The following MGAT4C variants were observed in gnomAD, a reference collection of about 807,000 sequenced individuals.
The protein encoded by MGAT4C is alpha-1,3-mannosyl-glycoprotein 4-beta-N-acetylglucosaminyltransferase C.
MGAT4C carries 19 observed loss-of-function variants against 40.1 expected under a neutral mutation model. The observed-to-expected ratio is 0.47, with a 90% CI of 0.33 to 0.70. The LOEUF (loss-of-function observed/expected upper bound fraction) is 0.70, where lower values mean the gene tolerates loss of function less well. MGAT4C is among the 30% of genes least tolerant of loss of function. MGAT4C has a pLI of 0.02. For missense variants in MGAT4C, 491 were observed against 563.2 expected (o/e 0.87, Z 1.30); for synonymous variants, 181 against 187.1 (o/e 0.97, Z 0.27).
chr12:86,093,952 A>C (rs1215586855), intron 1 of MGAT4C, among the ~76,000 whole-genome samples: 1 of 152,150 alleles, frequency 6.6e-6, no homozygotes, highest in Non-Finnish European at 1.5e-5. Flanking sequence ...TATTCTTGTA[A>C]TTATTAGTTT....
chr12:86,708,481 T>G (rs1256710684), intron 2 of MGAT4C, among the ~76,000 whole-genome samples: 1 of 152,206 alleles, frequency 6.6e-6, no homozygotes, highest in Non-Finnish European at 1.5e-5. Flanking sequence ...AGAATCCCTC[T>G]GGGGCACTGC....
chr12:86,626,785 C>A (rs1308739932), intron 2 of MGAT4C, among the ~76,000 whole-genome samples: 1 of 152,200 alleles, frequency 6.6e-6, no homozygotes, highest in Non-Finnish European at 1.5e-5. Context: ...CTCTAGTCTG[C>A]AGCTCCCAGT....
chr12:86,308,887 G>T (rs1010887108), intron 4 of MGAT4C, among the ~76,000 whole-genome samples: 1 of 150,460 alleles, frequency 6.6e-6, no homozygotes, highest in African/African-American at 2.5e-5. Flanking sequence ...AGAAGATTTT[G>T]GGAGAAGGGA....
chr12:86,698,270 A>G (rs1419401584), intron 2 of MGAT4C, among the ~76,000 whole-genome samples: 1 of 152,106 alleles, frequency 6.6e-6, no homozygotes, highest in Non-Finnish European at 1.5e-5. Flanking sequence ...AATCCTAAAT[A>G]AATGACCAAT....
intron 1 of MGAT4C, among the ~76,000 whole-genome samples, chr12:86,150,230 C>A (rs1884106081): frequency 6.6e-6 from 1 of 152,192 alleles, no homozygotes; most frequent in South Asian, 2.1e-4. Context: ...CAGTAAAGCT[C>A]ATTCACCCTC....
intron 3 of MGAT4C, among the ~76,000 whole-genome samples, chr12:86,384,906 T>G (rs1346137225): frequency 6.6e-6 from 1 of 152,210 alleles, no homozygotes; most frequent in Non-Finnish European, 1.5e-5. Context: ...CTGTTAACCA[T>G]TTTACTTAGG....
chr12:86,723,250 C>A (rs563440548), intron 2 of MGAT4C, among the ~76,000 whole-genome samples: 1 of 152,206 alleles, frequency 6.6e-6, no homozygotes, highest in South Asian at 2.1e-4. Flanking sequence ...ATTCCCTAAG[C>A]CACTGTGGAT....
At chr12:86,591,465 G>T (rs1357075563) in intron 2 of MGAT4C, among the ~76,000 whole-genome samples, 1 of 151,810 alleles carries the variant, frequency 6.6e-6, no homozygotes, top group Non-Finnish European at 1.5e-5. Context: ...CCTAGTATTT[G>T]AATGATTACA....
At chr12:86,624,784 T>A (rs1287358040) in intron 2 of MGAT4C, among the ~76,000 whole-genome samples, 1 of 152,036 alleles carries the variant, frequency 6.6e-6, no homozygotes, top group African/African-American at 2.4e-5. Flanking sequence ...ATGGTCTATG[T>A]ATGGGGAAAA....
intron 2 of MGAT4C, among the ~76,000 whole-genome samples, chr12:86,667,041 G>A (rs1964127176): frequency 6.6e-6 from 1 of 152,166 alleles, no homozygotes; most frequent in Admixed American, 6.5e-5. Context: ...TGCATAAATT[G>A]CTCTATACCA....
chr12:86,479,001 G>A (rs1447971663), intron 2 of MGAT4C, among the ~76,000 whole-genome samples: 1 of 151,938 alleles, frequency 6.6e-6, no homozygotes. Flanking sequence ...AAGGACACGT[G>A]ACTTTTTTAC....
At chr12:86,480,273 A>T (rs552136429) in intron 2 of MGAT4C, among the ~76,000 whole-genome samples, 2 of 151,898 alleles carry the variant, frequency 1.3e-5, no homozygotes, top group East Asian at 3.9e-4. Flanking sequence ...TTGGAAACAA[A>T]ATGAAACAAG....
chr12:86,514,058 C>T (rs1257957361), intron 2 of MGAT4C, among the ~76,000 whole-genome samples: 1 of 140,336 alleles, frequency 7.1e-6, no homozygotes, highest in Non-Finnish European at 1.5e-5. Context: ...TTGAATGAAG[C>T]CATGCACCAA....
At chr12:86,711,376 T>A (rs913796552) in intron 2 of MGAT4C, among the ~76,000 whole-genome samples, 1 of 151,898 alleles carries the variant, frequency 6.6e-6, no homozygotes, top group Non-Finnish European at 1.5e-5. Context: ...AAGTTGAACA[T>A]TAGGAACCAA....
chr12:86,700,055 G>GATAGATAGATAGATAGATAGATAGATAA (rs1326075310), intron 2 of MGAT4C, among the ~76,000 whole-genome samples: 82 of 151,670 alleles, frequency 5.4e-4, no homozygotes, highest in Admixed American at 1.2e-3. Context: ...TAGATAGATA[G>GATAGATAGATAGATAGATAGATAGATAA]ATAGATAGAT....
intron 1 of MGAT4C, among the ~76,000 whole-genome samples, chr12:86,775,739 T>G (rs1951737336): frequency 6.6e-6 from 1 of 151,782 alleles, no homozygotes; most frequent in Admixed American, 6.6e-5. Context: ...GGTGCTCAAA[T>G]GCACAAACTT....
At chr12:86,350,610 G>A (rs945671569) in intron 3 of MGAT4C, among the ~76,000 whole-genome samples, 14 of 152,058 alleles carry the variant, frequency 9.2e-5, no homozygotes, top group African/African-American at 2.9e-4. Flanking sequence ...AAAGAAAAAA[G>A]AACATACAAT....
chr12:86,358,205 C>T (rs1053135381), intron 3 of MGAT4C, among the ~76,000 whole-genome samples: 1 of 152,084 alleles, frequency 6.6e-6, no homozygotes, highest in Non-Finnish European at 1.5e-5. Context: ...ATTTTCAACC[C>T]AGAATTTCAT....
At chr12:86,729,187 G>A (rs981687945) in intron 1 of MGAT4C, among the ~76,000 whole-genome samples, 1 of 152,040 alleles carries the variant, frequency 6.6e-6, no homozygotes, top group Admixed American at 6.6e-5. Flanking sequence ...TCATTTAATT[G>A]TACATTTAAA....
Sources: allele counts gnomAD v4.1 joint callset (sites outside exome capture counted in the v4.1 genomes callset), GRCh38; gene constraint gnomAD v4.1.1; transcripts MANE v1.5; gene names NCBI Gene and HGNC (gene_info 2026-07-23, HGNC 2026-07-21).